The following REV3L variants were observed in gnomAD, a reference collection of about 807,000 sequenced individuals.
The protein encoded by REV3L is DNA polymerase zeta catalytic subunit.
REV3L carries 69 observed loss-of-function variants against 299.4 expected under a neutral mutation model. That is an observed-to-expected ratio of 0.23 (90% CI 0.19 to 0.28). REV3L has a LOEUF of 0.28. Among genes scored for constraint, REV3L ranks in the 10% least tolerant of loss-of-function variants. The pLI is 1.00. For synonymous variants in REV3L, 1,238 were observed against 1,271.4 expected (o/e 0.97, Z 0.56); for missense variants, 3,128 against 3,693.8 (o/e 0.85, Z 3.97).
chr6:111,443,358 G>C (rs1788494861), intron 1 of REV3L, among the ~76,000 whole-genome samples: 1 of 151,894 alleles, frequency 6.6e-6, no homozygotes, highest in African/African-American at 2.4e-5. Flanking sequence ...ATATTGGCCA[G>C]GCTGGTCTCA....
intron 21 of REV3L, among the ~76,000 whole-genome samples, chr6:111,339,979 A>T (rs1776323026): frequency 6.6e-6 from 1 of 152,178 alleles, no homozygotes; most frequent in South Asian, 2.1e-4. Flanking sequence ...GAAAGGAGGA[A>T]GGGAAACATA....
rs369195299 is a variant in REV3L at position 111,445,729 on chromosome 6, T to C, written c.140-29257A>G. 1.2e-4 allele frequency among the ~76,000 whole-genome samples: 19 copies of C among 152,244 alleles called. No individual in the cohort carries two copies. The East Asian group carries it at 2.1e-3, about 17-fold the overall frequency. On this transcript the variant is annotated intron_variant, in intron 1 of 31. Coordinates refer to ENST00000368802, the MANE Select transcript of REV3L (RefSeq NM_001372078.1). ...GAGCCCCCCTAAAAAGGGAAACTAA[T>C]TGGAATGGATGTGGCAAGAAAGGAT...
At chr6:111,353,926 A>C (rs1777826603) in intron 18 of REV3L, 1 of 152,174 alleles carries the variant, frequency 6.6e-6, no homozygotes, top group Non-Finnish European at 1.5e-5. Flanking sequence ...GCTACATTTG[A>C]GAATTGGGGC....
At chr6:111,337,968 A>G (rs1258778993) in intron 21 of REV3L, among the ~76,000 whole-genome samples, 1 of 152,164 alleles carries the variant, frequency 6.6e-6, no homozygotes, top group Non-Finnish European at 1.5e-5. Flanking sequence ...CTGGAGAAAC[A>G]TGCCAAATGA....
intron 18 of REV3L, chr6:111,356,551 C>T (rs1778108347): frequency 6.6e-6 from 1 of 151,822 alleles, no homozygotes; most frequent in Admixed American, 6.6e-5. Flanking sequence ...AGAATGCATC[C>T]CAAAGCTTTT....
At chr6:111,342,211 C>A (rs1289559979) in intron 21 of REV3L, among the ~76,000 whole-genome samples, 1 of 152,042 alleles carries the variant, frequency 6.6e-6, no homozygotes. Context: ...TCATAGATTC[C>A]AGGCAAAGGA....
intron 7 of REV3L, among the ~76,000 whole-genome samples, chr6:111,388,763 G>A (rs575686527): frequency 1.9e-4 from 29 of 152,232 alleles, no homozygotes; most frequent in African/African-American, 7.0e-4. Flanking sequence ...TTTCTAAGTT[G>A]AGATTCATGA....
chr6:111,402,197 T>C (rs1248590928), intron 4 of REV3L, among the ~76,000 whole-genome samples: 1 of 152,170 alleles, frequency 6.6e-6, no homozygotes, highest in Non-Finnish European at 1.5e-5. Context: ...AGTCTATTAC[T>C]AGACCAGCAC....
intron 21 of REV3L, among the ~76,000 whole-genome samples, chr6:111,342,581 T>C (rs1205408183): frequency 6.6e-6 from 1 of 150,514 alleles, no homozygotes; most frequent in African/African-American, 2.4e-5. Flanking sequence ...GGCAGGAGAA[T>C]GGCGTGAACT....
At chr6:111,435,837 A>G (rs1319972443) in intron 1 of REV3L, among the ~76,000 whole-genome samples, 1 of 152,198 alleles carries the variant, frequency 6.6e-6, no homozygotes, top group Non-Finnish European at 1.5e-5. Context: ...GCTTCTGTTG[A>G]GCAAAGGAAA....
chr6:111,340,451 T>C (rs967403024), intron 21 of REV3L, among the ~76,000 whole-genome samples: 5 of 152,110 alleles, frequency 3.3e-5, no homozygotes, highest in Non-Finnish European at 7.4e-5. Context: ...GTTGGGAACA[T>C]AATTCATTCA....
At chr6:111,455,195 G>A (rs1790028690) in intron 1 of REV3L, among the ~76,000 whole-genome samples, 1 of 152,174 alleles carries the variant, frequency 6.6e-6, no homozygotes, top group Admixed American at 6.5e-5. Context: ...GCTTCACAGT[G>A]TAGATGATGT....
In REV3L at chr6:111,299,334, G is replaced by T. The variant is rs1771214526; in HGVS notation, c.*682C>A. On this transcript the variant is annotated 3_prime_UTR_variant, in exon 32 of 32. Coordinates refer to ENST00000368802, the MANE Select transcript of REV3L (RefSeq NM_001372078.1). Reference sequence around the variant, plus strand: ...AGTATTGCAACAGGCCCACAGGTTTGTAACAAAAATGTCTTTGCACAGTTC... The same window carrying T: ...AGTATTGCAACAGGCCCACAGGTTTTTAACAAAAATGTCTTTGCACAGTTC... 2.0e-5 allele frequency: 3 copies of T among 152,474 alleles called. No homozygotes were observed. Among genetic ancestry groups the T allele is most frequent in the Admixed American group, 2.0e-4 (3 of 15,272 alleles). 9.4% of individuals were successfully genotyped at this position (152,474 alleles called of 1,614,324 possible). A position where few individuals can be genotyped will look rare whatever the true frequency, so the allele number is the denominator to read the frequency against.
At position 111,300,094 on chromosome 6, in the gene REV3L, T is replaced by C; in HGVS notation, c.9315A>G (p.Pro3105=). The C allele has an allele frequency of 6.2e-7, 1 of 1,613,730 alleles. No individual in the cohort carries two copies. The highest frequency in any genetic ancestry group is 1.1e-5 in the South Asian group (1 of 90,994). ...RHIPCVSLNC[P]VLFKLSRVNR... is the part of the protein sequence containing the mutation. ...TTACTCGGGAGAGTTTGAAAAGTACTGGGCAGTTCAGAGAAACACATGGGA... is the reference window on the plus strand; with the variant it reads ...TTACTCGGGAGAGTTTGAAAAGTACCGGGCAGTTCAGAGAAACACATGGGA... Residue 3105 remains proline (P), a synonymous_variant, in exon 32 of 32, where the codon CCA becomes CCG. Transcript: ENST00000368802.
intron 3 of REV3L, among the ~76,000 whole-genome samples, chr6:111,410,868 T>G (rs1046724797): frequency 6.6e-6 from 1 of 152,162 alleles, no homozygotes; most frequent in Non-Finnish European, 1.5e-5. Context: ...CCGAGGCCAC[T>G]TTTACCCTAG....
At chr6:111,437,746 A>C (rs1377733360) in intron 1 of REV3L, among the ~76,000 whole-genome samples, 1 of 152,150 alleles carries the variant, frequency 6.6e-6, no homozygotes, top group East Asian at 1.9e-4. Flanking sequence ...TTAGGGTGAC[A>C]GTGTTCTAAA....
intron 15 of REV3L, among the ~76,000 whole-genome samples, 181 bp from the exon 16 acceptor site, chr6:111,364,159 A>T (rs1446996201): frequency 6.6e-6 from 1 of 152,216 alleles, no homozygotes; most frequent in Non-Finnish European, 1.5e-5. Context: ...GCTAACAAAG[A>T]TATCAGAACT....
intron 1 of REV3L, among the ~76,000 whole-genome samples, chr6:111,476,159 G>GT (rs1792916638): frequency 6.6e-6 from 1 of 152,108 alleles, no homozygotes; most frequent in African/African-American, 2.4e-5. Context: ...AAACAAAGTT[G>GT]TTTTGATTGT....
At chr6:111,463,265 T>C (rs1159382136) in intron 1 of REV3L, among the ~76,000 whole-genome samples, 5 of 152,222 alleles carry the variant, frequency 3.3e-5, no homozygotes, top group African/African-American at 1.2e-4. Context: ...TGCTCGGTTA[T>C]ACAACTGATA....
Sources: gnomAD v4.1 joint callset for allele counts (sites outside exome capture counted in the v4.1 genomes callset) on GRCh38, gnomAD v4.1.1 for gene constraint, MANE v1.5 for transcripts, NCBI Gene and HGNC (gene_info 2026-07-23, HGNC 2026-07-21) for gene names.